The following GALNT16 variants were observed in gnomAD, a reference collection of about 807,000 sequenced individuals.
GALNT16 encodes the protein UDP-GalNAc:polypeptide N-acetylgalactosaminyltransferase-like protein 1.
Under a neutral mutation model 76.1 loss-of-function variants are expected in GALNT16, and 40 were observed. That is an observed-to-expected ratio of 0.53 (90% CI 0.41 to 0.68). The LOEUF (loss-of-function observed/expected upper bound fraction) is 0.68, where lower values mean the gene tolerates loss of function less well. Ranked by LOEUF, GALNT16 falls within the 30% of genes least tolerant of loss-of-function variation. The pLI, the probability that GALNT16 is intolerant of heterozygous loss-of-function variation, is 0.00. For synonymous variants in GALNT16, 276 were observed against 285.2 expected (o/e 0.97, Z 0.32); for missense variants, 621 against 731.9 (o/e 0.85, Z 1.75).
chr14:69,303,912 G>T (rs2044891802), intron 1 of GALNT16, among the ~76,000 whole-genome samples: 1 of 152,086 alleles, frequency 6.6e-6, no homozygotes, highest in Non-Finnish European at 1.5e-5. Context: ...GGATCAAAAT[G>T]CACATATTAA....
intron 9 of GALNT16, among the ~76,000 whole-genome samples, chr14:69,336,016 G>T (rs184576692): frequency 3.6e-4 from 55 of 152,180 alleles, no homozygotes; most frequent in African/African-American, 1.3e-3. Context: ...ACTCCTTACT[G>T]GCTACAGGGT....
chr14:69,341,868 T>G, intron 12 of GALNT16, 104 bp downstream of exon 12: 1 of 719,876 alleles, frequency 1.4e-6, no homozygotes, highest in South Asian at 1.6e-5. Flanking sequence ...ACACTGGTGA[T>G]CTGGCTTTCT....
intron 1 of GALNT16, among the ~76,000 whole-genome samples, chr14:69,296,058 G>A (rs2044755537): frequency 6.6e-6 from 1 of 152,298 alleles, no homozygotes; most frequent in East Asian, 1.9e-4. Context: ...CGGTTCTGCA[G>A]GCTGTACAGG....
intron 1 of GALNT16, among the ~76,000 whole-genome samples, chr14:69,290,852 C>T (rs1337977298): frequency 2.6e-5 from 4 of 152,322 alleles, no homozygotes; most frequent in South Asian, 2.1e-4. Context: ...TGACTGACAA[C>T]AGTTAAACTG....
downstream of GALNT16, among the ~76,000 whole-genome samples, chr14:69,359,499 A>T (rs1338689793): frequency 6.6e-6 from 1 of 152,178 alleles, no homozygotes; most frequent in Non-Finnish European, 1.5e-5. Flanking sequence ...TGTGTTGGTG[A>T]TGCTGAGGAC....
chr14:69,320,680 TG>T (rs1235221547), intron 1 of GALNT16, 30 bp from the exon 2 acceptor site: 2 of 1,601,832 alleles, frequency 1.2e-6, no homozygotes, highest in East Asian at 4.5e-5. Context: ...CTCCTGCCTG[TG>T]GTCCTCTCTG....
the GALNT16 span, among the ~76,000 whole-genome samples, chr14:69,376,184 G>A: frequency 6.6e-6 from 1 of 152,070 alleles, no homozygotes; most frequent in African/African-American, 2.4e-5. Context: ...TTACAGGTGT[G>A]AGCCACCACA....
chr14:69,319,688 G>C (rs1364506855), intron 1 of GALNT16, among the ~76,000 whole-genome samples: 5 of 152,218 alleles, frequency 3.3e-5, no homozygotes, highest in African/African-American at 1.2e-4. Flanking sequence ...GGGAGCACAG[G>C]GTAGGGTGTG....
chr14:69,312,101 CTATA>C (rs911602110), intron 1 of GALNT16, among the ~76,000 whole-genome samples: 5 of 146,250 alleles, frequency 3.4e-5, no homozygotes, highest in Non-Finnish European at 7.5e-5. Flanking sequence ...ATCTATCTAT[CTATA>C]TCTATCTATC....
chr14:69,352,639 G>T lies in GALNT16; in HGVS notation c.*471G>T, dbSNP rs991720660. 3.2e-5 allele frequency: 5 copies of T among 155,500 alleles called. No homozygotes were observed. The highest frequency in any genetic ancestry group is 7.1e-5 in the Non-Finnish European group (5 of 70,472). The allele number at this position is 155,500 out of a possible 1,614,324, so 9.6% of individuals were successfully genotyped here. On this transcript the variant is annotated 3_prime_UTR_variant, in exon 15 of 15. Transcript: ENST00000448469. ...GAGGCTGAAGGCTGGGAAGAGGGAA[G>T]GGGAGAGGGGCAGCCTGCAGGGGTA...
chr14:69,326,673 C>T (rs992478486), intron 5 of GALNT16, among the ~76,000 whole-genome samples: 3 of 152,196 alleles, frequency 2.0e-5, no homozygotes, highest in African/African-American at 7.2e-5. Context: ...CTTGTGCACT[C>T]TGCAAGCAAA....
chr14:69,347,854 C>T (rs775624171), intron 13 of GALNT16, 23 bp from the exon 14 acceptor site: 1 of 1,610,796 alleles, frequency 6.2e-7, no homozygotes, highest in Non-Finnish European at 8.5e-7. Context: ...TTTGACTTGG[C>T]CTTTCTGCTC....
At chr14:69,313,564 A>T (rs1281902754) in intron 1 of GALNT16, among the ~76,000 whole-genome samples, 1 of 104,618 alleles carries the variant, frequency 9.6e-6, no homozygotes, top group East Asian at 2.2e-4. Context: ...ACAAGCACTC[A>T]TAAGGCCACA....
At chr14:69,271,361 A>G (rs1160971943) in intron 1 of GALNT16, among the ~76,000 whole-genome samples, 1 of 152,200 alleles carries the variant, frequency 6.6e-6, no homozygotes, top group Admixed American at 6.5e-5. Context: ...GGCAAAGCTG[A>G]GGGCAGGCCA....
intron 5 of GALNT16, among the ~76,000 whole-genome samples, chr14:69,326,787 C>G (rs2045291279): frequency 6.6e-6 from 1 of 152,254 alleles, no homozygotes; most frequent in Admixed American, 6.5e-5. Flanking sequence ...TTGTACTCAG[C>G]CCACTGTGCC....
chr14:69,379,297 T>TA, the GALNT16 span, among the ~76,000 whole-genome samples: 1 of 152,222 alleles, frequency 6.6e-6, no homozygotes, highest in African/African-American at 2.4e-5. Context: ...CAACTCTACT[T>TA]AATTTTGTCA....
chr14:69,268,839 G>T (rs1225966588), intron 1 of GALNT16, among the ~76,000 whole-genome samples: 4 of 152,172 alleles, frequency 2.6e-5, no homozygotes, highest in African/African-American at 7.2e-5. Context: ...TGAGCCATGC[G>T]GACATCTAGG....
At chr14:69,271,822 A>G (rs552058014) in intron 1 of GALNT16, among the ~76,000 whole-genome samples, 1 of 152,354 alleles carries the variant, frequency 6.6e-6, no homozygotes, top group African/African-American at 2.4e-5. Flanking sequence ...CTGAATTGAA[A>G]TCTGCTGTAA....
At chr14:69,339,801 T>A (rs1315283719) in intron 11 of GALNT16, among the ~76,000 whole-genome samples, 182 bp downstream of exon 11, 3 of 152,218 alleles carry the variant, frequency 2.0e-5, no homozygotes, top group African/African-American at 7.2e-5. Context: ...GACCTTAGGC[T>A]TTGAGGAGCG....
Sources: allele counts gnomAD v4.1 joint callset (sites outside exome capture counted in the v4.1 genomes callset), GRCh38; gene constraint gnomAD v4.1.1; transcripts MANE v1.5; gene names NCBI Gene and HGNC (gene_info 2026-07-23, HGNC 2026-07-21).